EVC: variants seen among roughly 807,000 people sequenced by gnomAD.
The protein encoded by EVC is EvC ciliary complex subunit 1.
EVC carries 116 observed loss-of-function variants against 118.9 expected under a neutral mutation model. That is an observed-to-expected ratio of 0.98 (90% CI 0.84 to 1.14). The LOEUF (loss-of-function observed/expected upper bound fraction) is 1.14. Among genes scored for constraint, EVC ranks in the 50% most tolerant of loss-of-function variants. The probability of loss-of-function intolerance (pLI) is 0.00; values close to 1 mark genes in which losing one functional copy is unlikely to be tolerated. For synonymous variants in EVC, 619 were observed against 534.7 expected, an observed-to-expected ratio of 1.16 and a Z score of -2.18; for missense variants, 1,401 against 1,246.4, an observed-to-expected ratio of 1.12 and a Z score of -1.87.
rs548603546 is a variant in EVC, at chr4:5,788,993, G to A, written c.1777-4615G>A. On this transcript the variant is annotated intron_variant, in intron 12 of 20. Coordinates refer to ENST00000264956, the MANE Select transcript of EVC (RefSeq NM_153717.3). The stretch of plus-strand genomic sequence containing the variant: ...GCCCGGGGAAGTCAAAAGATTGGAC[G>A]TCCCTGTTTTAAGACATCCTGTATG... Among the ~76,000 whole-genome samples, 3 of 152,200 alleles carry A rather than the reference G, an allele frequency of 2.0e-5. 1 individual carries two copies. Among genetic ancestry groups the A allele is most frequent in the Admixed American group, 6.5e-5 (1 of 15,294 alleles).
chr4:5,764,071 A>T (rs374087018), intron 11 of EVC, among the ~76,000 whole-genome samples: 1 of 136,386 alleles, frequency 7.3e-6, no homozygotes, highest in African/African-American at 2.8e-5. Flanking sequence ...TTTGAGATAC[A>T]TCCCATCAAT....
rs1192247787 is a variant in EVC, at chr4:5,731,914, G to A, written c.617+257G>A. On this transcript the variant is annotated intron_variant, in intron 4 of 20. Transcript: ENST00000264956. The surrounding 1 kb of genome is among the most constrained non-coding windows in gnomAD (Gnocchi z 5.6). ...AGGGAGGCCTCATTTAATCACTGGC[G>A]TGCTCCCAGCTACTGGCGAAGTTGA... Among the ~76,000 whole-genome samples the A allele has an allele frequency of 2.0e-5, 3 of 150,494 alleles. No individual in the cohort carries two copies. Among genetic ancestry groups the A allele is most frequent in the South Asian group, 2.1e-4 (1 of 4,730 alleles).
chr4:5,744,257 T>G (rs1729030510), intron 6 of EVC, among the ~76,000 whole-genome samples: 1 of 152,220 alleles, frequency 6.6e-6, no homozygotes, highest in African/African-American at 2.4e-5. Flanking sequence ...CTTTCTCACC[T>G]GGAAATGGGT....
At chr4:5,797,647 TACTG>T (rs1161100808) in intron 14 of EVC, among the ~76,000 whole-genome samples, 2 of 152,306 alleles carry the variant, frequency 1.3e-5, no homozygotes, top group East Asian at 1.9e-4. Flanking sequence ...ACTATCCACT[TACTG>T]ACCTCCCATT....
At chr4:5,761,460 G>A (rs1194453933) in intron 11 of EVC, among the ~76,000 whole-genome samples, 1 of 140,008 alleles carries the variant, frequency 7.1e-6, no homozygotes. Flanking sequence ...AGGTTCTCAG[G>A]AGGTTTAATA....
intron 12 of EVC, among the ~76,000 whole-genome samples, chr4:5,786,670 G>A (rs910900378): frequency 3.9e-5 from 6 of 152,096 alleles, no homozygotes; most frequent in Admixed American, 1.3e-4. Context: ...TCAGGAGATC[G>A]AGACCATCCT....
At chr4:5,815,971 G>T (rs912911124), downstream of EVC, among the ~76,000 whole-genome samples, 5 of 151,814 alleles carry the variant, frequency 3.3e-5, no homozygotes, top group Non-Finnish European at 5.9e-5. Context: ...GTGGTGTATG[G>T]ATTGGAAAGG....
chr4:5,798,818 G>T lies in EVC; in HGVS notation c.2304+26G>T. ...GTATGCACTGACCTCTGTCCCTGGGGACACCGAGGGCAAGAATGTTCAGGG... is the reference window on the plus strand; with the variant it reads ...GTATGCACTGACCTCTGTCCCTGGGTACACCGAGGGCAAGAATGTTCAGGG... On this transcript the variant is annotated intron_variant, in intron 15 of 20. Transcript: ENST00000264956. This position sits in a 1 kb window ranked among gnomAD's most constrained non-coding sequence, Gnocchi z 4.1. The T allele has an allele frequency of 6.2e-7, 1 of 1,601,798 alleles. No individual in the cohort carries two copies. The highest frequency in any genetic ancestry group is 8.5e-7 in the Non-Finnish European group (1 of 1,175,174).
chr4:5,736,427 G>T (rs915046307), intron 5 of EVC, among the ~76,000 whole-genome samples: 1 of 152,092 alleles, frequency 6.6e-6, no homozygotes, highest in African/African-American at 2.4e-5. Context: ...AACCACCCCT[G>T]GGGGAGGAGC....
At chr4:5,727,169 C>G (rs1725988422) in intron 2 of EVC, among the ~76,000 whole-genome samples, 1 of 151,890 alleles carries the variant, frequency 6.6e-6, no homozygotes, top group South Asian at 2.1e-4. Context: ...AATGGTTGAA[C>G]TAGTTTACAG....
Position 5,752,981 on chromosome 4 carries a change from G to A in EVC, c.1244G>A (p.Gly415Glu). The change falls in exon 9 of 21, where the codon GGG becomes GAG. Residue 415 changes from glycine (G) to glutamate (E), a missense_variant. Coordinates refer to ENST00000264956, the MANE Select transcript of EVC (RefSeq NM_153717.3). ...ELLAGEGKLS[G>E]RQKEELLTQQ... ...CTGGCTGGTGAGGGGAAGCTGTCCG[G>A]GCGGCAGAAGGAGGAGCTGCTCACG... 1 of 1,613,674 alleles carries A rather than the reference G, an allele frequency of 6.2e-7. No individual in the cohort carries two copies. The highest frequency in any genetic ancestry group is 8.5e-7 in the Non-Finnish European group (1 of 1,179,888).
intron 5 of EVC, among the ~76,000 whole-genome samples, chr4:5,740,484 A>AG (rs1364136518): frequency 6.6e-6 from 1 of 151,272 alleles, no homozygotes; most frequent in Non-Finnish European, 1.5e-5. Flanking sequence ...AAAAAAAAAA[A>AG]AAAGAAAAAG....
At chr4:5,765,774 T>C (rs1444109565) in intron 11 of EVC, among the ~76,000 whole-genome samples, 1 of 149,974 alleles carries the variant, frequency 6.7e-6, no homozygotes, top group Non-Finnish European at 1.5e-5. Flanking sequence ...TCCTCCATCC[T>C]TTTATTTTGA....
chr4:5,788,806 G>A (rs1024891499), intron 12 of EVC, among the ~76,000 whole-genome samples: 7 of 152,242 alleles, frequency 4.6e-5, no homozygotes, highest in East Asian at 1.9e-4. Flanking sequence ...AGAGTGATAC[G>A]TTTAAGACAC....
rs368392396 is a variant in EVC at position 5,741,625 on chromosome 4, G to A, written c.703-91G>A. The A allele has an allele frequency of 8.9e-5, 64 of 722,716 alleles. 2 individuals carry two copies. Among genetic ancestry groups the A allele is most frequent in the South Asian group, 5.7e-4 (37 of 65,178 alleles). The allele number at this position is 722,716 out of a possible 1,614,324, so 44.8% of individuals were successfully genotyped here. On this transcript the variant is annotated intron_variant, in intron 5 of 20. Transcript: ENST00000264956. ...AAGAAAAGAAGGAGAGAGGCAGTGG[G>A]GGAGGGAGGGAGAAGAGAAAACAGA...
chr4:5,823,553 A>G, the EVC span, among the ~76,000 whole-genome samples: 1 of 152,256 alleles, frequency 6.6e-6, no homozygotes, highest in Non-Finnish European at 1.5e-5. Flanking sequence ...GTCATGAAGG[A>G]CAGACCACTC....
intron 11 of EVC, among the ~76,000 whole-genome samples, chr4:5,757,904 G>C (rs1473693923): frequency 1.3e-5 from 2 of 152,132 alleles, no homozygotes; most frequent in African/African-American, 2.4e-5. Flanking sequence ...AATTTTGGAG[G>C]GAGACACAAT....
intron 13 of EVC, among the ~76,000 whole-genome samples, chr4:5,794,257 G>A (rs10937675): frequency 0.027 from 806 of 29,632 alleles, 11 homozygotes; most frequent in African/African-American, 0.057. Context: ...ATATTTATAT[G>A]TATTTATATA....
At position 5,758,987 on chromosome 4, in the gene EVC, G is replaced by A. The variant is rs114107614; in HGVS notation, c.1563+2625G>A. 4.0e-3 allele frequency among the ~76,000 whole-genome samples: 608 copies of A among 152,058 alleles called. 3 individuals carry two copies. Among genetic ancestry groups the A allele is most frequent in the African/African-American group, 0.014 (575 of 41,398 alleles). On this transcript the variant is annotated intron_variant, in intron 11 of 20. Transcript: ENST00000264956. ...GCAGATGAGACAGCCTTGACTTACC[G>A]GGGAAACTCCCTTTCTGGGGAGTCT... is the stretch of plus-strand genomic sequence containing the variant.
Sources: gnomAD v4.1 joint callset for allele counts (sites outside exome capture counted in the v4.1 genomes callset) on GRCh38, gnomAD v4.1.1 for gene constraint, Gnocchi (gnomAD v3.1) non-coding constraint, MANE v1.5 for transcripts, NCBI Gene and HGNC (gene_info 2026-07-23, HGNC 2026-07-21) for gene names.